Variants in PARD3B observed in about 807,000 individuals in gnomAD.
PARD3B encodes par-3 family cell polarity regulator beta.
Under a neutral mutation model 130.2 loss-of-function variants are expected in PARD3B, and 103 were observed. The observed-to-expected ratio is 0.79, with a 90% CI of 0.67 to 0.93. The LOEUF (loss-of-function observed/expected upper bound fraction) is 0.93. Ranked by LOEUF, PARD3B falls within the 40% of genes least tolerant of loss-of-function variation. The pLI, the probability that PARD3B is intolerant of heterozygous loss-of-function variation, is 0.00. For missense variants in PARD3B, 1,609 were observed against 1,499.2 expected, an observed-to-expected ratio of 1.07 and a Z score of -1.21; for synonymous variants, 583 against 553.2, an observed-to-expected ratio of 1.05 and a Z score of -0.76.
intron 18 of PARD3B, among the ~76,000 whole-genome samples, chr2:205,327,703 C>T (rs919958616): frequency 6.6e-6 from 1 of 152,152 alleles, no homozygotes; most frequent in African/African-American, 2.4e-5. Flanking sequence ...TTTTCCTTTT[C>T]AAACAAAGAG....
intron 19 of PARD3B, among the ~76,000 whole-genome samples, chr2:205,432,942 C>T (rs2047387387): frequency 6.6e-6 from 1 of 152,242 alleles, no homozygotes; most frequent in African/African-American, 2.4e-5. Context: ...ATAAATACCT[C>T]CTCTAAAGAC....
At chr2:205,107,835 T>C (rs1181556852) in intron 5 of PARD3B, among the ~76,000 whole-genome samples, 1 of 152,212 alleles carries the variant, frequency 6.6e-6, no homozygotes, top group Non-Finnish European at 1.5e-5. Context: ...AAAAAGACAA[T>C]GAAGCAAGAG....
chr2:204,549,641 ACTAAT>A (rs1259691913), intron 1 of PARD3B, among the ~76,000 whole-genome samples: 1 of 152,208 alleles, frequency 6.6e-6, no homozygotes, highest in African/African-American at 2.4e-5. Context: ...GTTGAGAATC[ACTAAT>A]CTACTCTAAT....
At position 204,907,037 on chromosome 2, in the gene PARD3B, G is replaced by T. The variant is rs1207361981; in HGVS notation, c.223-58115G>T. Reference sequence around the variant, plus strand: ...GCTCTGTCGCCCAGGCTGGAGTTCAGTGGCACGATCTCGGCTCACTGTAAC... The same window carrying T: ...GCTCTGTCGCCCAGGCTGGAGTTCATTGGCACGATCTCGGCTCACTGTAAC... On this transcript the variant is annotated intron_variant, in intron 2 of 22. Transcript: ENST00000406610. This position sits in a 1 kb window ranked among gnomAD's most constrained non-coding sequence, Gnocchi z 5.7. Among the ~76,000 whole-genome samples, 2 of 151,996 alleles carry T rather than the reference G, an allele frequency of 1.3e-5. No individual in the cohort carries two copies. The highest frequency in any genetic ancestry group is 2.9e-5 in the Non-Finnish European group (2 of 68,012).
chr2:205,245,632 C>G (rs537253358), intron 15 of PARD3B, 146 bp from the exon 16 acceptor site: 4 of 548,002 alleles, frequency 7.3e-6, no homozygotes, highest in East Asian at 3.0e-5. Context: ...TGAGGTATCC[C>G]AGGGTAGGCT....
intron 20 of PARD3B, among the ~76,000 whole-genome samples, chr2:205,495,802 C>G (rs1246357108): frequency 6.6e-6 from 1 of 152,156 alleles, no homozygotes; most frequent in African/African-American, 2.4e-5. Flanking sequence ...TGAGAAAACA[C>G]TTGTTAATCA....
intron 21 of PARD3B, among the ~76,000 whole-genome samples, chr2:205,532,647 G>A (rs1190587448): frequency 1.3e-5 from 2 of 152,116 alleles, no homozygotes; most frequent in East Asian, 3.9e-4. Flanking sequence ...ATTCCACAAA[G>A]CTACATATTA....
At chr2:205,393,982 C>G (rs1426115006) in intron 18 of PARD3B, among the ~76,000 whole-genome samples, 7 of 151,910 alleles carry the variant, frequency 4.6e-5, no homozygotes, top group African/African-American at 1.7e-4. Context: ...ATATTAAAAT[C>G]TTTATTATAT....
chr2:204,943,188 A>ATG lies in PARD3B; in HGVS notation c.223-21956_223-21955dup, dbSNP rs879879539. ...TGTGTATGTGTATGCATATATATAT[A>ATG]TGTGTGTGTATATATATATAATATG... On this transcript the variant is annotated intron_variant, in intron 2 of 22. Transcript: ENST00000406610. This position sits in a 1 kb window ranked among gnomAD's most constrained non-coding sequence, Gnocchi z 4.2. 1.1e-4 allele frequency among the ~76,000 whole-genome samples: 17 copies of ATG among 151,954 alleles called. No individual in the cohort carries two copies. Among genetic ancestry groups the ATG allele is most frequent in the South Asian group, 4.2e-4 (2 of 4,808 alleles).
chr2:205,566,919 A>G (rs867367217), intron 22 of PARD3B, among the ~76,000 whole-genome samples: 3 of 152,322 alleles, frequency 2.0e-5, no homozygotes, highest in Non-Finnish European at 1.5e-5. Context: ...CATTCTGGAA[A>G]TAATATTTTT....
intron 21 of PARD3B, 120 bp downstream of exon 21, chr2:205,500,151 T>C (rs1323615741): frequency 4.2e-6 from 5 of 1,193,674 alleles, no homozygotes; most frequent in African/African-American, 1.5e-5. Flanking sequence ...TTGGGCTTCA[T>C]AGACAGGAAC....
rs1216192761 is a variant in PARD3B, at chr2:204,986,565, A to G, written c.394+21242A>G. Among the ~76,000 whole-genome samples, 3 of 152,210 alleles carry G rather than the reference A, an allele frequency of 2.0e-5. 1 individual carries two copies. The highest frequency in any genetic ancestry group is 4.4e-5 in the Non-Finnish European group (3 of 68,032). On this transcript the variant is annotated intron_variant, in intron 3 of 22. Coordinates refer to ENST00000406610, the MANE Select transcript of PARD3B (RefSeq NM_001302769.2). ...ACTAGTTATTGTCTTTAGCCAGTTT[A>G]TATTTTTAACGTACGCAATTAATAC...
Position 205,124,463 on chromosome 2 carries a change from G to A in PARD3B, c.1302G>A (p.Leu434=). Residue 434 remains leucine, a synonymous_variant, in exon 9 of 23, where the codon TTG becomes TTA. Coordinates refer to ENST00000406610, the MANE Select transcript of PARD3B (RefSeq NM_001302769.2). ...DGRLQSGDRI[L]EVNGRDVTGR... is the part of the protein sequence containing the mutation. ...GCCTACAATCAGGGGACAGAATTTT[G>A]GAGGTAAGAATTGGAATTAATAGTT... 6.3e-7 allele frequency: 1 copy of A among 1,585,684 alleles called. No homozygotes were observed. The highest frequency in any genetic ancestry group is 8.6e-7 in the Non-Finnish European group (1 of 1,166,336).
intron 21 of PARD3B, among the ~76,000 whole-genome samples, chr2:205,545,166 C>T (rs1255013569): frequency 6.6e-6 from 1 of 152,194 alleles, no homozygotes; most frequent in African/African-American, 2.4e-5. Flanking sequence ...TATTATACCA[C>T]ATATTGCTGA....
At chr2:204,742,201 T>C (rs1006520782) in intron 2 of PARD3B, among the ~76,000 whole-genome samples, 6 of 152,186 alleles carry the variant, frequency 3.9e-5, no homozygotes, top group African/African-American at 1.4e-4. Context: ...TTATGTAAGG[T>C]AGCTTTATAT....
intron 16 of PARD3B, among the ~76,000 whole-genome samples, chr2:205,251,962 A>G (rs1290602259): frequency 6.6e-6 from 1 of 152,168 alleles, no homozygotes; most frequent in Non-Finnish European, 1.5e-5. Context: ...TTATATTTCC[A>G]TGGGATTCAG....
chr2:205,396,851 TCGTGAC>T (rs1470236975), intron 18 of PARD3B, among the ~76,000 whole-genome samples: 1 of 152,200 alleles, frequency 6.6e-6, no homozygotes, highest in African/African-American at 2.4e-5. Context: ...CATTCAGGGT[TCGTGAC>T]TTTTCTCACA....
At chr2:204,630,302 T>C (rs2034633361) in intron 1 of PARD3B, among the ~76,000 whole-genome samples, 2 of 152,108 alleles carry the variant, frequency 1.3e-5, no homozygotes, top group Admixed American at 1.3e-4. Flanking sequence ...AGGGATTTTA[T>C]AGGGTGTGAA....
intron 1 of PARD3B, among the ~76,000 whole-genome samples, chr2:204,658,368 A>G (rs2035702222): frequency 6.6e-6 from 1 of 152,068 alleles, no homozygotes; most frequent in Non-Finnish European, 1.5e-5. Flanking sequence ...ACCTTATTGG[A>G]TTCTTCAGCT....
Sources: gnomAD v4.1 joint callset for allele counts (sites outside exome capture counted in the v4.1 genomes callset) on GRCh38, gnomAD v4.1.1 for gene constraint, Gnocchi (gnomAD v3.1) non-coding constraint, MANE v1.5 for transcripts, NCBI Gene and HGNC (gene_info 2026-07-23, HGNC 2026-07-21) for gene names.